METTL15: variants seen among roughly 807,000 people sequenced by gnomAD.
METTL15 encodes the protein methyltransferase 15, mitochondrial 12S rRNA N4-cytidine.
A neutral mutation model predicts 38.3 loss-of-function variants in METTL15; 34 were observed. The ratio of observed to expected loss-of-function variants is 0.89; its 90% CI spans 0.68 to 1.18. The LOEUF is 1.18. Among genes scored for constraint, METTL15 ranks in the 50% most tolerant of loss-of-function variants. METTL15 has a pLI of 0.00. For missense variants in METTL15, 438 were observed against 498.4 expected, an observed-to-expected ratio of 0.88 and a Z score of 1.15; for synonymous variants, 162 against 170.9, an observed-to-expected ratio of 0.95 and a Z score of 0.41.
In METTL15 at chr11:28,374,990, C is replaced by G. The variant is rs905334289; in HGVS notation, c.*358+12954C>G. ...CATTTATTGATTTGCATATATTGAA[C>G]CAGCCTTGCATCCCAGGGATGAAGC... On this transcript the variant is annotated intron_variant and NMD_transcript_variant, in intron 5 of 7. Transcript: ENST00000532947. Among the ~76,000 whole-genome samples, 91 of 151,182 alleles carry G rather than the reference C, an allele frequency of 6.0e-4. 1 individual carries two copies. The highest frequency in any genetic ancestry group is 1.1e-3 in the Non-Finnish European group (72 of 67,528).
rs1324550777 is a variant in METTL15, at chr11:28,272,604, A to ATTT, written c.408-17602_408-17601insTTT. 2.0e-4 allele frequency among the ~76,000 whole-genome samples: 31 copies of ATTT among 152,288 alleles called. 1 individual carries two copies. The highest frequency in any genetic ancestry group is 5.3e-4 in the African/African-American group (22 of 41,574). ...TTCAGGACAGGGATAGCATCAGGAG[A>ATTT]AATGCCTAATGTAGATGACTGGTTG... On this transcript the variant is annotated intron_variant, in intron 4 of 6. Coordinates refer to ENST00000407364, the MANE Select transcript of METTL15 (RefSeq NM_001113528.2).
intron 4 of METTL15, among the ~76,000 whole-genome samples, chr11:28,249,529 T>C (rs1293121821): frequency 6.6e-6 from 1 of 151,988 alleles, no homozygotes; most frequent in Non-Finnish European, 1.5e-5. Flanking sequence ...TTCTTAAATA[T>C]TGTATTTTCT....
intron 3 of METTL15, among the ~76,000 whole-genome samples, chr11:28,170,116 A>G: frequency 6.6e-6 from 1 of 152,048 alleles, no homozygotes; most frequent in Non-Finnish European, 1.5e-5. Flanking sequence ...TCTTCTGCTG[A>G]TCAGATTTTC....
rs184186820 is a variant in METTL15, at chr11:28,120,556, T to G, written c.270+6952T>G. Among the ~76,000 whole-genome samples the G allele has an allele frequency of 9.2e-5, 14 of 152,208 alleles. No individual in the cohort carries two copies. In the East Asian group the frequency reaches 2.7e-3, roughly 29 times the overall value. ...AAAAAAAACAAAAAAAAATCCTGAT[T>G]TTAGTATTTGCAAATTTCCATGGGG... is the stretch of plus-strand genomic sequence containing the variant. On this transcript the variant is annotated intron_variant, in intron 3 of 6. Transcript: ENST00000407364.
intron 4 of METTL15, among the ~76,000 whole-genome samples, chr11:28,221,124 G>T (rs1030915512): frequency 2.0e-5 from 3 of 152,142 alleles, no homozygotes; most frequent in Non-Finnish European, 4.4e-5. Context: ...CTAGATTGAG[G>T]AAGTTCTCCT....
chr11:28,366,732 T>C (rs1164368462), intron 5 of METTL15, among the ~76,000 whole-genome samples: 1 of 152,178 alleles, frequency 6.6e-6, no homozygotes, highest in Admixed American at 6.5e-5. Flanking sequence ...AAGGTGGGGC[T>C]AAATTGGCGC....
chr11:28,137,424 C>T (rs1484990785), intron 3 of METTL15, among the ~76,000 whole-genome samples: 1 of 152,136 alleles, frequency 6.6e-6, no homozygotes, highest in African/African-American at 2.4e-5. Context: ...TGTCAATAAT[C>T]TCAATTATAT....
chr11:28,406,191 C>G (rs1429568223), intron 5 of METTL15, among the ~76,000 whole-genome samples: 1 of 152,036 alleles, frequency 6.6e-6, no homozygotes, highest in Non-Finnish European at 1.5e-5. Context: ...CTATAAATTA[C>G]TTTGGGCAGT....
At chr11:28,398,772 C>G (rs1326153449) in intron 5 of METTL15, 1 of 151,918 alleles carries the variant, frequency 6.6e-6, no homozygotes, top group Non-Finnish European at 1.5e-5. Context: ...ATGGTACTGC[C>G]TCTGTTTTCT....
At chr11:28,483,267 G>T (rs539671408) in intron 6 of METTL15, among the ~76,000 whole-genome samples, 1 of 152,258 alleles carries the variant, frequency 6.6e-6, no homozygotes, top group South Asian at 2.1e-4. Flanking sequence ...CTGGTGGGTG[G>T]CAATGGCGGG....
chr11:28,483,437 T>G (rs1343070200), intron 6 of METTL15, among the ~76,000 whole-genome samples: 3 of 152,348 alleles, frequency 2.0e-5, no homozygotes, highest in South Asian at 2.1e-4. Context: ...GAGCCTGAGC[T>G]GTAAGCCAGG....
intron 6 of METTL15, among the ~76,000 whole-genome samples, chr11:28,465,342 T>C (rs1402369433): frequency 6.6e-6 from 1 of 152,178 alleles, no homozygotes; most frequent in East Asian, 1.9e-4. Context: ...AGGGGTCCTA[T>C]GTCTTCTCCT....
At chr11:28,172,349 T>C (rs181529938) in intron 3 of METTL15, among the ~76,000 whole-genome samples, 106 of 152,304 alleles carry the variant, frequency 7.0e-4, no homozygotes, top group African/African-American at 2.4e-3. Context: ...TGAATGAAAT[T>C]TCATTAATAG....
At chr11:28,479,584 G>A (rs1055202571) in intron 6 of METTL15, among the ~76,000 whole-genome samples, 1 of 152,112 alleles carries the variant, frequency 6.6e-6, no homozygotes, top group African/African-American at 2.4e-5. Flanking sequence ...ATTCCATCCA[G>A]CTTGCCTGTA....
chr11:28,330,842 G>A lies in METTL15; in HGVS notation c.*1G>A. On this transcript the variant is annotated 3_prime_UTR_variant, in exon 7 of 7. Transcript: ENST00000407364. ...GCTTAGAGCAGCTATCAAATTATAAGTTATCATCATCTTATTCTTCAAATT... is the reference window on the plus strand; with the variant it reads ...GCTTAGAGCAGCTATCAAATTATAAATTATCATCATCTTATTCTTCAAATT... 1 of 1,527,710 alleles carries A rather than the reference G, an allele frequency of 6.5e-7. No individual in the cohort carries two copies. Among genetic ancestry groups the A allele is most frequent in the Non-Finnish European group, 8.8e-7 (1 of 1,138,738 alleles). 94.6% of individuals were successfully genotyped at this position (1,527,710 alleles called of 1,614,324 possible).
chr11:28,510,494 A>C (rs1851665130), intron 6 of METTL15, among the ~76,000 whole-genome samples: 1 of 152,210 alleles, frequency 6.6e-6, no homozygotes, highest in Admixed American at 6.5e-5. Flanking sequence ...TAAAATACCA[A>C]TTCTGATTAA....
At chr11:28,489,284 G>C (rs1238437603) in intron 6 of METTL15, among the ~76,000 whole-genome samples, 1 of 152,114 alleles carries the variant, frequency 6.6e-6, no homozygotes, top group African/African-American at 2.4e-5. Flanking sequence ...AATTGAACTT[G>C]TGATTCTAAA....
At chr11:28,325,994 A>AT in intron 6 of METTL15, among the ~76,000 whole-genome samples, 1 of 152,290 alleles carries the variant, frequency 6.6e-6, no homozygotes, top group South Asian at 2.1e-4. Flanking sequence ...CAAAAAGGAG[A>AT]TTTTCTCTCA....
At chr11:28,354,905 G>A (rs1850076977) in intron 4 of METTL15, among the ~76,000 whole-genome samples, 1 of 152,198 alleles carries the variant, frequency 6.6e-6, no homozygotes, top group Non-Finnish European at 1.5e-5. Context: ...AACTAGAAAT[G>A]GGTGGGATAC....
Sources: gnomAD v4.1 joint callset for allele counts (sites outside exome capture counted in the v4.1 genomes callset) on GRCh38, gnomAD v4.1.1 for gene constraint, MANE v1.5 for transcripts, NCBI Gene and HGNC (gene_info 2026-07-23, HGNC 2026-07-21) for gene names.